The following FRMD5 variants were observed in gnomAD, a reference collection of about 807,000 sequenced individuals.
FRMD5 encodes the protein FERM domain containing 5.
A neutral mutation model predicts 69.0 loss-of-function variants in FRMD5; 20 were observed. The observed-to-expected ratio is 0.29, with a 90% CI of 0.20 to 0.42. FRMD5 has a LOEUF of 0.42. FRMD5 is among the 10% of genes least tolerant of loss of function. The probability of loss-of-function intolerance (pLI) is 1.00; values close to 1 mark genes in which losing one functional copy is unlikely to be tolerated. For missense variants in FRMD5, 595 were observed against 708.6 expected (o/e 0.84, Z 1.82); for synonymous variants, 271 against 260.1 (o/e 1.04, Z -0.40).
At chr15:43,990,666 C>G (rs1409807911) in intron 1 of FRMD5, among the ~76,000 whole-genome samples, 4 of 152,122 alleles carry the variant, frequency 2.6e-5, no homozygotes, top group Non-Finnish European at 5.9e-5. Flanking sequence ...AAGTACTCAT[C>G]AGATATTTCT....
At chr15:43,982,242 C>T (rs193262764) in intron 1 of FRMD5, among the ~76,000 whole-genome samples, 1 of 152,322 alleles carries the variant, frequency 6.6e-6, no homozygotes, top group Non-Finnish European at 1.5e-5. Context: ...ACTTCGATGT[C>T]TTTGGTGTTG....
chr15:44,056,099 A>G (rs1413076899), intron 1 of FRMD5, among the ~76,000 whole-genome samples: 2 of 152,244 alleles, frequency 1.3e-5, no homozygotes, highest in East Asian at 3.8e-4. Flanking sequence ...TTTCATTTGC[A>G]GTTATTCACT....
chr15:44,046,185 T>C (rs1383410942), intron 1 of FRMD5, among the ~76,000 whole-genome samples: 1 of 152,180 alleles, frequency 6.6e-6, no homozygotes, highest in African/African-American at 2.4e-5. Flanking sequence ...GATGTCGTAG[T>C]CTTCCTTTCT....
intron 1 of FRMD5, among the ~76,000 whole-genome samples, chr15:44,160,171 T>G (rs1485470219): frequency 6.6e-6 from 1 of 152,204 alleles, no homozygotes; most frequent in East Asian, 1.9e-4. Context: ...CTGGCCAACA[T>G]GGTTAAACCC....
intron 1 of FRMD5, 39 bp downstream of exon 1, chr15:44,194,914 G>T: frequency 6.8e-7 from 1 of 1,480,200 alleles, no homozygotes; most frequent in Non-Finnish European, 9.1e-7. Context: ...TGGGGGACAA[G>T]GGGGTCCCGC....
upstream of FRMD5, among the ~76,000 whole-genome samples, chr15:44,197,349 T>G (rs193143070): frequency 4.6e-5 from 7 of 152,280 alleles, no homozygotes; most frequent in African/African-American, 1.7e-4. Context: ...AAAGTGATAT[T>G]CTACAAAGCT....
chr15:43,961,212 C>T (rs902274778), intron 1 of FRMD5, among the ~76,000 whole-genome samples: 6 of 151,930 alleles, frequency 3.9e-5, no homozygotes, highest in African/African-American at 9.7e-5. Context: ...TAAAAAATGA[C>T]AAAGGGGATA....
At chr15:44,193,562 G>T (rs2078230930) in intron 1 of FRMD5, among the ~76,000 whole-genome samples, 1 of 152,190 alleles carries the variant, frequency 6.6e-6, no homozygotes, top group Admixed American at 6.5e-5. Context: ...CCTTTCACTT[G>T]ATGGCTAGCA....
chr15:44,014,986 T>G (rs1389337695), intron 1 of FRMD5, among the ~76,000 whole-genome samples: 1 of 152,094 alleles, frequency 6.6e-6, no homozygotes, highest in Non-Finnish European at 1.5e-5. Context: ...TAAATATCAG[T>G]AAAAACCATA....
intron 1 of FRMD5, among the ~76,000 whole-genome samples, chr15:44,164,352 A>G (rs2077673094): frequency 6.6e-6 from 1 of 152,100 alleles, no homozygotes; most frequent in Non-Finnish European, 1.5e-5. Context: ...AACAACACTG[A>G]CTACTTACCA....
At chr15:43,920,349 A>T (rs1454766756) in intron 2 of FRMD5, among the ~76,000 whole-genome samples, 1 of 152,184 alleles carries the variant, frequency 6.6e-6, no homozygotes, top group African/African-American at 2.4e-5. Context: ...GAGTAACATA[A>T]ATTGCCAACC....
chr15:44,120,533 AT>A (rs397961745), intron 1 of FRMD5, among the ~76,000 whole-genome samples: 44 of 137,830 alleles, frequency 3.2e-4, no homozygotes, highest in African/African-American at 9.1e-4. Flanking sequence ...GGAAGAGTGG[AT>A]TTTTTTTTTT....
At chr15:44,117,525 A>G (rs1473506666) in intron 1 of FRMD5, among the ~76,000 whole-genome samples, 1 of 152,216 alleles carries the variant, frequency 6.6e-6, no homozygotes, top group Non-Finnish European at 1.5e-5. Context: ...CAGTGCTACA[A>G]TGAAAGAATT....
rs752353869 is a variant in FRMD5, at chr15:43,909,973, T to C, written c.336A>G (p.Leu112=). The change falls in exon 5 of 14, where the codon TTA becomes TTG. Residue 112 remains leucine (L), a synonymous_variant. Coordinates refer to ENST00000417257, the MANE Select transcript of FRMD5 (RefSeq NM_032892.5). ...AALKEEITRY[L]VFLQIKRDLY... ...GATCCCTTTTGATCTGCAGGAAGAC[T>C]AAATACCTGGAGAGAAAACAGAGAA... The C allele has an allele frequency of 2.5e-6, 4 of 1,578,594 alleles. No individual in the cohort carries two copies. Among genetic ancestry groups the C allele is most frequent in the Admixed American group, 3.3e-5 (2 of 59,894 alleles).
intron 1 of FRMD5, among the ~76,000 whole-genome samples, chr15:44,042,153 C>A (rs544161162): frequency 6.6e-6 from 1 of 152,256 alleles, no homozygotes; most frequent in East Asian, 1.9e-4. Context: ...ACTATAAACA[C>A]CTCTAAGCAA....
At chr15:44,107,422 T>C (rs2076735749) in intron 1 of FRMD5, among the ~76,000 whole-genome samples, 1 of 152,192 alleles carries the variant, frequency 6.6e-6, no homozygotes, top group Non-Finnish European at 1.5e-5. Flanking sequence ...ATCTTTTGGG[T>C]AGGAAATGTA....
intron 1 of FRMD5, among the ~76,000 whole-genome samples, chr15:44,108,775 C>A (rs1185847859): frequency 1.3e-5 from 2 of 151,884 alleles, no homozygotes; most frequent in Non-Finnish European, 2.9e-5. Context: ...ACCAGCCTGA[C>A]CAACACAGTG....
At chr15:44,150,575 T>C (rs2077427890) in intron 1 of FRMD5, among the ~76,000 whole-genome samples, 1 of 151,724 alleles carries the variant, frequency 6.6e-6, no homozygotes, top group Admixed American at 6.6e-5. Context: ...AGCCCAAGAG[T>C]TTGAGACCAC....
chr15:44,056,022 C>T (rs1008313606), intron 1 of FRMD5, among the ~76,000 whole-genome samples: 1 of 152,180 alleles, frequency 6.6e-6, no homozygotes, highest in African/African-American at 2.4e-5. Context: ...AACCTCCTCC[C>T]TTATTCATTA....
Sources: gnomAD v4.1 joint callset for allele counts (sites outside exome capture counted in the v4.1 genomes callset) on GRCh38, gnomAD v4.1.1 for gene constraint, MANE v1.5 for transcripts, NCBI Gene and HGNC (gene_info 2026-07-23, HGNC 2026-07-21) for gene names.